CFAP77: variants seen among roughly 807,000 people sequenced by gnomAD.
The protein encoded by CFAP77 is cilia and flagella associated protein 77.
CFAP77 carries 25 observed loss-of-function variants against 31.1 expected under a neutral mutation model. That is an observed-to-expected ratio of 0.80 (90% CI 0.59 to 1.12). CFAP77 has a LOEUF of 1.12. CFAP77 is among the 50% of genes most tolerant of loss of function. CFAP77 has a pLI of 0.00. For missense variants in CFAP77, 377 were observed against 397.3 expected, an observed-to-expected ratio of 0.95 and a Z score of 0.44; for synonymous variants, 151 against 159.9, an observed-to-expected ratio of 0.94 and a Z score of 0.42.
intron 3 of CFAP77, among the ~76,000 whole-genome samples, chr9:132,502,626 G>A (rs1478038103): frequency 6.6e-6 from 1 of 152,142 alleles, no homozygotes; most frequent in Non-Finnish European, 1.5e-5. Flanking sequence ...ATACCCTCGT[G>A]GTTCATCCAT....
chr9:132,453,366 A>T (rs1441979422), intron 1 of CFAP77, among the ~76,000 whole-genome samples: 1 of 149,378 alleles, frequency 6.7e-6, no homozygotes, highest in African/African-American at 2.5e-5. Context: ...CTCTGCTAAA[A>T]TACAAAAAAA....
At chr9:132,541,839 C>T (rs1305182700) in intron 4 of CFAP77, among the ~76,000 whole-genome samples, 4 of 152,320 alleles carry the variant, frequency 2.6e-5, no homozygotes, top group Admixed American at 6.5e-5. Flanking sequence ...CGATTAAACT[C>T]GGTTCAGTCT....
intron 1 of CFAP77, among the ~76,000 whole-genome samples, chr9:132,474,846 C>CA (rs1296152162): frequency 6.6e-6 from 1 of 152,168 alleles, no homozygotes; most frequent in East Asian, 1.9e-4. Flanking sequence ...ATCTACTAAT[C>CA]ATATTTCTTC....
At position 132,490,796 on chromosome 9, in the gene CFAP77, G is replaced by GGA. The variant is rs1415059930; in HGVS notation, c.196-7899_196-7898insGA. On this transcript the variant is annotated intron_variant, in intron 1 of 5. Coordinates refer to ENST00000393216, the MANE Select transcript of CFAP77 (RefSeq NM_001282957.2). This position sits in a 1 kb window ranked among gnomAD's most constrained non-coding sequence, Gnocchi z 4.6. ...CCAGTCACTTTAGTCCTGAACAGCA[G>GGA]CTCCTCCGTCATTTTGTTCAACATT... Among the ~76,000 whole-genome samples, 1 of 152,194 alleles carries GGA rather than the reference G, an allele frequency of 6.6e-6. No individual in the cohort carries two copies. Among genetic ancestry groups the GGA allele is most frequent in the African/African-American group, 2.4e-5 (1 of 41,444 alleles).
chr9:132,569,932 C>T (rs1829936163), intron 5 of CFAP77, among the ~76,000 whole-genome samples: 1 of 151,994 alleles, frequency 6.6e-6, no homozygotes, highest in African/African-American at 2.4e-5. Flanking sequence ...GATGGGGTCT[C>T]GCCATGTTGG....
At chr9:132,432,533 CT>C (rs35812976) in intron 1 of CFAP77, among the ~76,000 whole-genome samples, 65,505 of 138,732 alleles carry the variant, frequency 0.47, 15,618 homozygotes, top group African/African-American at 0.61. Context: ...TCCTTGGTTC[CT>C]TTTTTTTTTT....
At chr9:132,434,105 C>T (rs1850463690) in intron 1 of CFAP77, among the ~76,000 whole-genome samples, 1 of 151,818 alleles carries the variant, frequency 6.6e-6, no homozygotes, top group Non-Finnish European at 1.5e-5. Context: ...CACCACTGCA[C>T]TCCAGCCTGG....
chr9:132,523,891 G>A (rs879768542), intron 3 of CFAP77, among the ~76,000 whole-genome samples: 5 of 152,094 alleles, frequency 3.3e-5, no homozygotes, highest in East Asian at 1.9e-4. Flanking sequence ...TTTCTGCCCC[G>A]CCACCCCCAC....
intron 3 of CFAP77, among the ~76,000 whole-genome samples, chr9:132,531,493 G>C (rs4962189): frequency 0.21 from 32,070 of 152,012 alleles, 4,023 homozygotes; most frequent in Admixed American, 0.3. Flanking sequence ...CTGAGCGAGA[G>C]AAAGAGGATT....
intron 5 of CFAP77, among the ~76,000 whole-genome samples, chr9:132,547,911 C>T (rs976533119): frequency 4.6e-5 from 7 of 152,190 alleles, no homozygotes; most frequent in Non-Finnish European, 2.9e-5. Flanking sequence ...CCCTGGGGCC[C>T]TGGCTAACAG....
rs367655374 is a variant in CFAP77 at position 132,498,400 on chromosome 9, G to A, written c.196-295G>A. On this transcript the variant is annotated intron_variant, in intron 1 of 5. Coordinates refer to ENST00000393216, the MANE Select transcript of CFAP77 (RefSeq NM_001282957.2). This position sits in a 1 kb window ranked among gnomAD's most constrained non-coding sequence, Gnocchi z 4.2. Reference sequence around the variant, plus strand: ...CACCCCAAACACAGCGGCTCAGCTCGGGGACTGTGCTCCCCACTCCAACAA... The same window carrying A: ...CACCCCAAACACAGCGGCTCAGCTCAGGGACTGTGCTCCCCACTCCAACAA... Among the ~76,000 whole-genome samples, 5 of 152,228 alleles carry A rather than the reference G, an allele frequency of 3.3e-5. No individual in the cohort carries two copies. Among genetic ancestry groups the A allele is most frequent in the Non-Finnish European group, 7.4e-5 (5 of 67,990 alleles).
chr9:132,425,246 T>C (rs1391806260), intron 1 of CFAP77, among the ~76,000 whole-genome samples: 1 of 152,188 alleles, frequency 6.6e-6, no homozygotes, highest in Admixed American at 6.5e-5. Context: ...TTCTGCTTCA[T>C]TTAAACTTCA....
At chr9:132,541,910 C>T (rs1564246462) in intron 4 of CFAP77, among the ~76,000 whole-genome samples, 3 of 152,228 alleles carry the variant, frequency 2.0e-5, no homozygotes, top group Admixed American at 1.3e-4. Flanking sequence ...GGAAGGTTTA[C>T]TGGGCCCCGC....
intron 1 of CFAP77, among the ~76,000 whole-genome samples, chr9:132,460,607 C>T (rs1051203139): frequency 1.2e-4 from 18 of 151,914 alleles, no homozygotes; most frequent in African/African-American, 3.6e-4. Flanking sequence ...CTGCTAAGAC[C>T]GGGGAGATGG....
At chr9:132,414,433 G>A (rs1191434270) in intron 1 of CFAP77, among the ~76,000 whole-genome samples, 1 of 151,992 alleles carries the variant, frequency 6.6e-6, no homozygotes, top group Non-Finnish European at 1.5e-5. Flanking sequence ...AGATGAATGC[G>A]AAGAGGCAGG....
rs1175441404 is a variant in CFAP77, at chr9:132,481,494, C to G, written c.196-17201C>G. Among the ~76,000 whole-genome samples the G allele has an allele frequency of 6.6e-6, 1 of 152,232 alleles. No homozygotes were observed. The highest frequency in any genetic ancestry group is 1.5e-5 in the Non-Finnish European group (1 of 68,044). On this transcript the variant is annotated intron_variant, in intron 1 of 5. Coordinates refer to ENST00000393216, the MANE Select transcript of CFAP77 (RefSeq NM_001282957.2). The surrounding 1 kb of genome is among the most constrained non-coding windows in gnomAD (Gnocchi z 5.0). ...ATCCATCTTTGTGTGCTCAAGGTACCGAGCACAGTGGCTTGCACCCCGTCG... is the reference window on the plus strand; with the variant it reads ...ATCCATCTTTGTGTGCTCAAGGTACGGAGCACAGTGGCTTGCACCCCGTCG...
chr9:132,569,804 C>T (rs1023070027), intron 5 of CFAP77, among the ~76,000 whole-genome samples: 6 of 146,548 alleles, frequency 4.1e-5, no homozygotes, highest in Admixed American at 7.1e-5. Context: ...GGCACAATCT[C>T]GGCTCACTGC....
chr9:132,473,037 T>G (rs538274296), intron 1 of CFAP77, among the ~76,000 whole-genome samples: 1 of 152,062 alleles, frequency 6.6e-6, no homozygotes, highest in Non-Finnish European at 1.5e-5. Flanking sequence ...TCAGGCTGCT[T>G]CCACTCACAG....
rs1851440050 is a variant in CFAP77, at chr9:132,481,162, GACTGTAAGACCCCAAGCT to G, written c.196-17528_196-17511del. Among the ~76,000 whole-genome samples, 1 of 152,140 alleles carries G rather than the reference GACTGTAAGACCCCAAGCT, an allele frequency of 6.6e-6. No individual in the cohort carries two copies. Among genetic ancestry groups the G allele is most frequent in the African/African-American group, 2.4e-5 (1 of 41,438 alleles). The stretch of plus-strand genomic sequence containing the variant: ...GGCCATGGATACGACAGAGCCTGGG[GACTGTAAGACCCCAAGCT>G]ACTGCTGCCCTTGGGAGCTCTCTGG... On this transcript the variant is annotated intron_variant, in intron 1 of 5. Transcript: ENST00000393216. The surrounding 1 kb of genome is among the most constrained non-coding windows in gnomAD (Gnocchi z 5.0).
Sources: gnomAD v4.1 joint callset for allele counts (sites outside exome capture counted in the v4.1 genomes callset) on GRCh38, gnomAD v4.1.1 for gene constraint, Gnocchi (gnomAD v3.1) non-coding constraint, MANE v1.5 for transcripts, NCBI Gene and HGNC (gene_info 2026-07-23, HGNC 2026-07-21) for gene names.